The following SLC25A21 variants were observed in gnomAD, a reference collection of about 807,000 sequenced individuals.
SLC25A21 encodes the protein mitochondrial 2-oxodicarboxylate carrier.
Under a neutral mutation model 43.8 loss-of-function variants are expected in SLC25A21, and 47 were observed. The observed-to-expected ratio is 1.07, with a 90% confidence interval of 0.85 to 1.37. SLC25A21 has a LOEUF of 1.37. Among genes scored for constraint, SLC25A21 ranks in the 40% most tolerant of loss-of-function variants. The probability of loss-of-function intolerance (pLI) is 0.00; values close to 1 mark genes in which losing one functional copy is unlikely to be tolerated. For synonymous variants in SLC25A21, 131 were observed against 121.3 expected, an observed-to-expected ratio of 1.08 and a Z score of -0.52; for missense variants, 352 against 350.2, an observed-to-expected ratio of 1.00 and a Z score of -0.04.
intron 3 of SLC25A21, among the ~76,000 whole-genome samples, chr14:36,802,925 C>T (rs1184591808): frequency 6.6e-6 from 1 of 152,054 alleles, no homozygotes; most frequent in Non-Finnish European, 1.5e-5. Context: ...AAAATTTTTC[C>T]AACACTTACT....
intron 1 of SLC25A21, among the ~76,000 whole-genome samples, chr14:36,985,925 A>G (rs1309917069): frequency 2.0e-5 from 3 of 152,132 alleles, no homozygotes; most frequent in Non-Finnish European, 4.4e-5. Flanking sequence ...GTTCCTTCAA[A>G]TTATTTTATA....
intron 5 of SLC25A21, among the ~76,000 whole-genome samples, chr14:36,726,675 T>C (rs1158714282): frequency 6.6e-6 from 1 of 152,082 alleles, no homozygotes; most frequent in South Asian, 2.1e-4. Flanking sequence ...GCATCAAAAA[T>C]AAGCACAACA....
At chr14:36,820,581 G>T (rs1325653337) in intron 2 of SLC25A21, among the ~76,000 whole-genome samples, 1 of 152,194 alleles carries the variant, frequency 6.6e-6, no homozygotes, top group Non-Finnish European at 1.5e-5. Context: ...AAACTGGTGA[G>T]ATTTGTAATT....
chr14:37,169,471 T>C (rs1964084962), intron 1 of SLC25A21, among the ~76,000 whole-genome samples: 1 of 151,936 alleles, frequency 6.6e-6, no homozygotes, highest in African/African-American at 2.4e-5. Flanking sequence ...TCCCAGACCT[T>C]GAATTCCACG....
intron 1 of SLC25A21, among the ~76,000 whole-genome samples, chr14:37,168,726 GAAC>G (rs1197255506): frequency 6.6e-6 from 1 of 152,028 alleles, no homozygotes; most frequent in Non-Finnish European, 1.5e-5. Flanking sequence ...ACAGACTAAA[GAAC>G]AACAACAACA....
intron 1 of SLC25A21, among the ~76,000 whole-genome samples, chr14:37,166,995 T>C (rs776978721): frequency 5.9e-5 from 9 of 152,050 alleles, no homozygotes; most frequent in Non-Finnish European, 1.0e-4. Flanking sequence ...AATAAAAATA[T>C]TAGCTTCAAA....
At chr14:37,047,660 T>C (rs1277247093) in intron 1 of SLC25A21, among the ~76,000 whole-genome samples, 2 of 152,186 alleles carry the variant, frequency 1.3e-5, no homozygotes, top group African/African-American at 4.8e-5. Flanking sequence ...TTGAAACGAA[T>C]CAGTAAAGAA....
intron 1 of SLC25A21, among the ~76,000 whole-genome samples, chr14:36,923,832 A>AC (rs1892050161): frequency 6.6e-6 from 1 of 152,214 alleles, no homozygotes; most frequent in Admixed American, 6.5e-5. Context: ...CAAATTTACA[A>AC]GAAAAAAACA....
rs530418516 is a variant in SLC25A21 at position 36,908,092 on chromosome 14, T to C, written c.71-33088A>G. ...TGGAATGATATGTAAAAAATGATGA[T>C]GGGGCACAGAGGATTTTTAGGGCAG... On this transcript the variant is annotated intron_variant, in intron 1 of 9. Transcript: ENST00000331299. Among the ~76,000 whole-genome samples, 143 of 152,174 alleles carry C rather than the reference T, an allele frequency of 9.4e-4. 1 individual carries two copies. The highest frequency in any genetic ancestry group is 3.3e-3 in the African/African-American group (139 of 41,536).
intron 1 of SLC25A21, among the ~76,000 whole-genome samples, chr14:37,043,885 C>T (rs1430818693): frequency 1.3e-5 from 2 of 151,834 alleles, no homozygotes; most frequent in Non-Finnish European, 1.5e-5. Context: ...CAGGTGTGCA[C>T]CATCATGTCT....
chr14:36,682,706 A>G (rs1370060305), intron 9 of SLC25A21, among the ~76,000 whole-genome samples: 1 of 151,454 alleles, frequency 6.6e-6, no homozygotes, highest in East Asian at 2.0e-4. Context: ...CCCACGTTCT[A>G]TTACTGCGTT....
At chr14:36,717,370 T>C (rs1333271233) in intron 6 of SLC25A21, among the ~76,000 whole-genome samples, 3 of 152,328 alleles carry the variant, frequency 2.0e-5, no homozygotes, top group East Asian at 3.9e-4. Context: ...TACGCAGATA[T>C]AGTTAGAGTC....
chr14:37,054,239 A>T (rs1230560821), intron 1 of SLC25A21, among the ~76,000 whole-genome samples: 1 of 152,126 alleles, frequency 6.6e-6, no homozygotes, highest in Non-Finnish European at 1.5e-5. Context: ...ATACTCACCA[A>T]GCCATCATAC....
At chr14:36,974,820 A>G (rs1229271921) in intron 1 of SLC25A21, among the ~76,000 whole-genome samples, 3 of 152,198 alleles carry the variant, frequency 2.0e-5, no homozygotes, top group African/African-American at 4.8e-5. Flanking sequence ...CTGAATATAT[A>G]AAACAAGAAA....
chr14:36,957,281 C>T lies in SLC25A21; in HGVS notation c.71-82277G>A, dbSNP rs552888508. ...AAGGGGCAATGCAAACCCAGGAAGA[C>T]CCTAGGGAGGAAGAGCGGCCTTAAT... On this transcript the variant is annotated intron_variant, in intron 1 of 9. Coordinates refer to ENST00000331299, the MANE Select transcript of SLC25A21 (RefSeq NM_030631.4). 9.8e-5 allele frequency among the ~76,000 whole-genome samples: 15 copies of T among 152,318 alleles called. No individual in the cohort carries two copies. In the East Asian group the frequency reaches 2.7e-3, roughly 27 times the overall value.
chr14:36,744,338 A>G (rs1300737407), intron 3 of SLC25A21, among the ~76,000 whole-genome samples: 1 of 152,170 alleles, frequency 6.6e-6, no homozygotes, highest in African/African-American at 2.4e-5. Flanking sequence ...ACAAAAACAG[A>G]CAGATAGATC....
chr14:36,684,825 ATC>A lies in SLC25A21; in HGVS notation c.702_703del (p.Arg234SerfsTer18). On this transcript the variant is annotated frameshift_variant, in exon 8 of 10. Transcript: ENST00000331299. LOFTEE classifies it high-confidence loss of function. ...TCCAGGAACTGGTTGAGGCCCTTGAATCCTACTTTTGGCAACATCAAAAGGGA... is the reference window on the plus strand; with the variant it reads ...TCCAGGAACTGGTTGAGGCCCTTGAACTACTTTTGGCAACATCAAAAGGGA... 1.2e-6 allele frequency: 2 copies of A among 1,614,128 alleles called. No homozygotes were observed. The highest frequency in any genetic ancestry group is 2.7e-5 in the African/African-American group (2 of 75,050).
At chr14:36,727,747 G>GGA (rs1884660473) in intron 5 of SLC25A21, among the ~76,000 whole-genome samples, 1 of 152,040 alleles carries the variant, frequency 6.6e-6, no homozygotes, top group South Asian at 2.1e-4. Context: ...ACAGATTCTA[G>GGA]GAGAGAGAGA....
At chr14:36,698,152 T>C (rs1189549500) in intron 7 of SLC25A21, among the ~76,000 whole-genome samples, 1 of 152,178 alleles carries the variant, frequency 6.6e-6, no homozygotes, top group African/African-American at 2.4e-5. Flanking sequence ...GTAAAGTATT[T>C]TATTTCTCCT....
Sources: gnomAD v4.1 joint callset for allele counts (sites outside exome capture counted in the v4.1 genomes callset) on GRCh38, gnomAD v4.1.1 for gene constraint, MANE v1.5 for transcripts, NCBI Gene and HGNC (gene_info 2026-07-23, HGNC 2026-07-21) for gene names.